Variants in FANCD2 observed in about 807,000 individuals in gnomAD.
The protein encoded by FANCD2 is FA complementation group D2.
Under a neutral mutation model 192.3 loss-of-function variants are expected in FANCD2, and 131 were observed. The observed-to-expected ratio is 0.68, with a 90% confidence interval of 0.59 to 0.79. The LOEUF (loss-of-function observed/expected upper bound fraction) is 0.79. Among genes scored for constraint, FANCD2 ranks in the 30% least tolerant of loss-of-function variants. The pLI, the probability that FANCD2 is intolerant of heterozygous loss-of-function variation, is 0.00. For synonymous variants in FANCD2, 524 were observed against 612.5 expected (o/e 0.86, Z 2.13); for missense variants, 1,508 against 1,701.6 (o/e 0.89, Z 2.00).
chr3:10,040,212 AT>A, intron 9 of FANCD2: 1 of 324,670 alleles, frequency 3.1e-6, no homozygotes, highest in South Asian at 3.0e-5. Flanking sequence ...TTTTTTTGGT[AT>A]TTTTAGTAGA....
intron 38 of FANCD2, 73 bp from the exon 39 acceptor site, chr3:10,093,212 C>T (rs1694755056): frequency 1.3e-5 from 15 of 1,142,516 alleles, no homozygotes; most frequent in South Asian, 1.1e-4. Flanking sequence ...CTGTGCTTTG[C>T]GCAGCGGGAA....
chr3:10,064,976 G>A (rs564195102), intron 23 of FANCD2, 101 bp downstream of exon 23: 58 of 1,263,986 alleles, frequency 4.6e-5, no homozygotes, highest in African/African-American at 8.9e-5. Context: ...AGTTTCTCTC[G>A]AGACAAATGG....
intron 21 of FANCD2, 42 bp downstream of exon 21, chr3:10,063,953 G>A: frequency 6.2e-7 from 1 of 1,614,010 alleles, no homozygotes; most frequent in East Asian, 2.2e-5. Flanking sequence ...AAGCATGAGA[G>A]CTGCTTTACT....
intron 20 of FANCD2, among the ~76,000 whole-genome samples, chr3:10,063,341 GC>G (rs2125031755): frequency 6.6e-6 from 1 of 152,252 alleles, no homozygotes; most frequent in East Asian, 1.9e-4. Context: ...GGAGGCTGGG[GC>G]AAGAGAATTG....
intron 2 of FANCD2, among the ~76,000 whole-genome samples, chr3:10,031,393 C>T (rs977384174): frequency 6.6e-6 from 1 of 151,564 alleles, no homozygotes; most frequent in Non-Finnish European, 1.5e-5. Context: ...GTCCCAGCTA[C>T]TGGGAGGCTG....
In FANCD2 at chr3:10,039,693, G is replaced by T. The variant is rs754681444; in HGVS notation, c.571-28G>T. The T allele has an allele frequency of 3.1e-6, 5 of 1,613,568 alleles. No homozygotes were observed. In the African/African-American group the frequency reaches 6.7e-5, roughly 22 times the overall value. On this transcript the variant is annotated intron_variant, in intron 8 of 43. Transcript: ENST00000675286. ...CTTTCTTTATTCTGGGTAATGTGCT[G>T]CAGTTCTAATAGTGTCTTCTACTGC...
intron 41 of FANCD2, 81 bp downstream of exon 41, chr3:10,095,355 A>G (rs1694891844): frequency 5.4e-6 from 6 of 1,114,942 alleles, no homozygotes; most frequent in African/African-American, 4.6e-5. Context: ...ATGGGCTACC[A>G]TCCTTCTTCC....
At chr3:10,050,321 T>C (rs2087156886) in intron 17 of FANCD2, among the ~76,000 whole-genome samples, 1 of 152,040 alleles carries the variant, frequency 6.6e-6, no homozygotes, top group Non-Finnish European at 1.5e-5. Flanking sequence ...CATGACTTGG[T>C]GACTGTTAAG....
intron 27 of FANCD2, 60 bp from the exon 28 acceptor site, chr3:10,073,193 G>A (rs1355094269): frequency 2.9e-6 from 4 of 1,379,988 alleles, no homozygotes; most frequent in Non-Finnish European, 4.1e-6. Flanking sequence ...TGAGGGCAAT[G>A]ATATTTGGCA....
Position 10,032,839 on chromosome 3 carries a change from G to T in FANCD2, c.72G>T (p.Arg24Ser), listed in dbSNP as rs1182307046. 6.2e-7 allele frequency: 1 copy of T among 1,612,534 alleles called. No homozygotes were observed. Among genetic ancestry groups the T allele is most frequent in the African/African-American group, 1.3e-5 (1 of 74,814 alleles). Residue 24 changes from arginine (R) to serine (S), a missense_variant, in exon 3 of 44, where the codon AGG becomes AGT. Physicochemically the swap from Arg to Ser is moderately radical, Grantham distance 110 (BLOSUM62 -1). Coordinates refer to ENST00000675286, the MANE Select transcript of FANCD2 (RefSeq NM_001018115.3). Reference sequence around the variant, plus strand: ...AAATTTTTCTATTTTCAGAAACCAGGAAGCAACCACTTTCCAAAAAGACAA... The same window carrying T: ...AAATTTTTCTATTTTCAGAAACCAGTAAGCAACCACTTTCCAAAAAGACAA... ...ESLTEDASKT[R>S]KQPLSKKTKK...
chr3:10,052,781 T>A (rs1186753412), intron 18 of FANCD2, among the ~76,000 whole-genome samples: 1 of 151,470 alleles, frequency 6.6e-6, no homozygotes, highest in Non-Finnish European at 1.5e-5. Flanking sequence ...GAAAAAGTGC[T>A]CATCATCACT....
intron 41 of FANCD2, 147 bp from the exon 42 acceptor site, chr3:10,096,179 T>A: frequency 1.2e-6 from 1 of 815,058 alleles, no homozygotes. Flanking sequence ...TGGATTACTC[T>A]GCCAAACTAT....
chr3:10,032,134 T>C (rs1351326058), intron 2 of FANCD2, among the ~76,000 whole-genome samples: 1 of 152,012 alleles, frequency 6.6e-6, no homozygotes, highest in Non-Finnish European at 1.5e-5. Flanking sequence ...CGTGAGCCAC[T>C]GTGCTGGGTC....
At position 10,031,206 on chromosome 3, in the gene FANCD2, A is replaced by G. The variant is rs541814762; in HGVS notation, c.65-1626A>G. On this transcript the variant is annotated intron_variant, in intron 2 of 43. Transcript: ENST00000675286. Reference sequence around the variant, plus strand: ...GTCTCATTCTGATTAAGGCTTTATTAGAAAGAGGGAAAGGAGGCCAGGCAC... The same window carrying G: ...GTCTCATTCTGATTAAGGCTTTATTGGAAAGAGGGAAAGGAGGCCAGGCAC... 3.9e-5 allele frequency among the ~76,000 whole-genome samples: 6 copies of G among 152,240 alleles called. No homozygotes were observed. The East Asian group carries it at 1.2e-3, about 29-fold the overall frequency.
Position 10,088,840 on chromosome 3 carries a change from G to A in FANCD2, c.3573G>A (p.Glu1191=). Residue 1191 remains glutamate, a synonymous_variant, in exon 36 of 44, where the codon GAG becomes GAA. Transcript: ENST00000675286. ...QLHALLCIYL[E]HTESILKAIE... ...ACTCTCAATGCAGTATCTACCTGGAGCACACAGAGAGCATTCTGAAGGCCA... is the reference window on the plus strand; with the variant it reads ...ACTCTCAATGCAGTATCTACCTGGAACACACAGAGAGCATTCTGAAGGCCA... 6.2e-7 allele frequency: 1 copy of A among 1,614,086 alleles called. No individual in the cohort carries two copies. The highest frequency in any genetic ancestry group is 8.5e-7 in the Non-Finnish European group (1 of 1,179,964).
chr3:10,034,460 T>C lies in FANCD2; in HGVS notation c.206-9T>C, dbSNP rs746739014. ...AAACTGGTGACCAGCTCTTCTTTTT[T>C]CTGCATAGCTGTGGATCAAATAGCT... On this transcript the variant is annotated splice_polypyrimidine_tract_variant and intron_variant, in intron 3 of 43. Transcript: ENST00000675286. 7 of 1,608,952 alleles carry C rather than the reference T, an allele frequency of 4.4e-6. No individual in the cohort carries two copies. Among genetic ancestry groups the C allele is most frequent in the Non-Finnish European group, 6.0e-6 (7 of 1,175,462 alleles).
chr3:10,085,089 A>G (rs1026258831), intron 32 of FANCD2, among the ~76,000 whole-genome samples: 2 of 152,224 alleles, frequency 1.3e-5, no homozygotes, highest in African/African-American at 2.4e-5. Flanking sequence ...AGAAGGGGTA[A>G]GTACCACTAT....
intron 14 of FANCD2, among the ~76,000 whole-genome samples, chr3:10,044,592 A>G (rs1397294386): frequency 6.6e-6 from 1 of 151,922 alleles, no homozygotes; most frequent in Non-Finnish European, 1.5e-5. Context: ...ATCTCAAAAG[A>G]TAAAAAGCCG....
At chr3:10,087,328 A>G (rs2125073616) in intron 34 of FANCD2, 64 bp downstream of exon 34, 1 of 1,495,716 alleles carries the variant, frequency 6.7e-7, no homozygotes, top group Admixed American at 2.0e-5. Flanking sequence ...TCTCACACTT[A>G]CAAACTTTGG....
Sources: gnomAD v4.1 joint callset for allele counts (sites outside exome capture counted in the v4.1 genomes callset) on GRCh38, gnomAD v4.1.1 for gene constraint, MANE v1.5 for transcripts, NCBI Gene and HGNC (gene_info 2026-07-23, HGNC 2026-07-21) for gene names.